Variants in RGCC observed in about 807,000 individuals in gnomAD.
The protein encoded by RGCC is regulator of cell cycle RGCC.
Under a neutral mutation model 15.4 loss-of-function variants are expected in RGCC, and 15 were observed. That is an observed-to-expected ratio of 0.97 (90% CI 0.65 to 1.50). The LOEUF (loss-of-function observed/expected upper bound fraction) is 1.50. Among genes scored for constraint, RGCC ranks in the 40% most tolerant of loss-of-function variants. The pLI is 0.00. For missense variants in RGCC, 176 were observed against 189.7 expected (o/e 0.93, Z 0.42); for synonymous variants, 81 against 78.0 (o/e 1.04, Z -0.20).
At position 41,468,837 on chromosome 13, in the gene RGCC, A is replaced by C; in HGVS notation, c.405A>C (p.Ala135=). The C allele has an allele frequency of 6.3e-7, 1 of 1,599,126 alleles. No individual in the cohort carries two copies. Among genetic ancestry groups the C allele is most frequent in the Non-Finnish European group, 8.5e-7 (1 of 1,172,966 alleles). ...TTGCTGATCTTGACAAAACTTTAGC[A>C]AGTAAGTACATGTCTGATATTAAAA... ...AFIADLDKTL[A]SM The change falls in exon 4 of 5, where the codon GCA becomes GCC. Residue 135 remains alanine (A), a splice_region_variant and synonymous_variant. Transcript: ENST00000379359.
chr13:41,461,437 T>G (rs1244481236), intron 2 of RGCC, among the ~76,000 whole-genome samples: 1 of 152,258 alleles, frequency 6.6e-6, no homozygotes, highest in African/African-American at 2.4e-5. Context: ...TAAACCATGT[T>G]TTCTCAAATG....
Position 41,468,755 on chromosome 13 carries a change from TCTCC to T in RGCC, c.344-17_344-14del, listed in dbSNP as rs545924977. ...AAACTGAACTCTCTCTCTCTCTCTC[TCTCC>T]CTCTCCTGTTTCACAGCTAAATTAG... On this transcript the variant is annotated splice_polypyrimidine_tract_variant and intron_variant, in intron 3 of 4. Transcript: ENST00000379359. The T allele has an allele frequency of 3.6e-3, 5,628 of 1,582,900 alleles. 11 individuals carry two copies. The highest frequency in any genetic ancestry group is 4.3e-3 in the Non-Finnish European group (5,026 of 1,159,100).
At chr13:41,463,055 T>C (rs2043829168) in intron 2 of RGCC, among the ~76,000 whole-genome samples, 1 of 152,312 alleles carries the variant, frequency 6.6e-6, no homozygotes, top group East Asian at 1.9e-4. Context: ...GCTAGGAACT[T>C]TAGAGTTAAA....
At chr13:41,465,051 C>A in intron 2 of RGCC, among the ~76,000 whole-genome samples, 1 of 152,176 alleles carries the variant, frequency 6.6e-6, no homozygotes, top group East Asian at 1.9e-4. Context: ...GAAACCTCTT[C>A]TTCCGAAAAC....
intron 2 of RGCC, among the ~76,000 whole-genome samples, chr13:41,464,373 G>C (rs1237944056): frequency 6.6e-6 from 1 of 152,154 alleles, no homozygotes; most frequent in Non-Finnish European, 1.5e-5. Context: ...CAACAGTAAG[G>C]CTTCCTTGCA....
At chr13:41,464,859 G>T (rs1268199755) in intron 2 of RGCC, among the ~76,000 whole-genome samples, 2 of 152,086 alleles carry the variant, frequency 1.3e-5, no homozygotes, top group Non-Finnish European at 2.9e-5. Flanking sequence ...AGATTGTGAG[G>T]GTTGCTCTCA....
At position 41,466,221 on chromosome 13, in the gene RGCC, TCA is replaced by T. The variant is rs367857777; in HGVS notation, c.236-593_236-592del. ...CACACTCATACACTCACACACTTTC[TCA>T]CACACACATATTCTCACACACACCC... On this transcript the variant is annotated intron_variant, in intron 2 of 4. Transcript: ENST00000379359. Among the ~76,000 whole-genome samples, 857 of 147,764 alleles carry T rather than the reference TCA, an allele frequency of 5.8e-3. 7 individuals carry two copies. The highest frequency in any genetic ancestry group is 0.02 in the African/African-American group (809 of 39,888).
intron 2 of RGCC, among the ~76,000 whole-genome samples, chr13:41,462,288 C>A (rs922604397): frequency 2.6e-5 from 4 of 152,178 alleles, no homozygotes; most frequent in Non-Finnish European, 5.9e-5. Flanking sequence ...ACCTTTCTCC[C>A]AACCCCCCTA....
At chr13:41,470,214 A>G (rs947382024) in intron 4 of RGCC, among the ~76,000 whole-genome samples, 1 of 152,184 alleles carries the variant, frequency 6.6e-6, no homozygotes, top group Non-Finnish European at 1.5e-5. Context: ...GTACTGCACC[A>G]TCTTACATCA....
chr13:41,461,800 A>C (rs1410208321), intron 2 of RGCC, among the ~76,000 whole-genome samples: 1 of 152,234 alleles, frequency 6.6e-6, no homozygotes, highest in Non-Finnish European at 1.5e-5. Context: ...AACCAGCATG[A>C]CAGATGGCTT....
chr13:41,468,641 T>C, intron 3 of RGCC, 135 bp from the exon 4 acceptor site: 2 of 692,180 alleles, frequency 2.9e-6, no homozygotes, highest in Non-Finnish European at 5.0e-6. Flanking sequence ...AGGAGGTAGA[T>C]GTAAAATAGA....
chr13:41,463,357 G>A (rs2043831051), intron 2 of RGCC, among the ~76,000 whole-genome samples: 1 of 151,914 alleles, frequency 6.6e-6, no homozygotes. Flanking sequence ...CTTGGTGGTC[G>A]AAGGTTGAAC....
rs907861487 is a variant in RGCC at position 41,458,528 on chromosome 13, C to T, written c.235+58C>T. ...ATCTCCCAGCTCCCAGGACCTGCCC[C>T]GCGAAGGCTGCGGCCTCAGTTTTCT... On this transcript the variant is annotated intron_variant, in intron 2 of 4. Coordinates refer to ENST00000379359, the MANE Select transcript of RGCC (RefSeq NM_014059.3). The surrounding 1 kb of genome is among the most constrained non-coding windows in gnomAD (Gnocchi z 4.4). The T allele has an allele frequency of 4.7e-6, 7 of 1,502,058 alleles. No homozygotes were observed. In the African/African-American group the frequency reaches 7.0e-5, roughly 15 times the overall value. 93.0% of individuals were successfully genotyped at this position (1,502,058 alleles called of 1,614,324 possible).
Position 41,457,891 on chromosome 13 carries a change from C to T in RGCC, c.49+135C>T, listed in dbSNP as rs2043800516. The T allele has an allele frequency of 7.8e-7, 1 of 1,282,624 alleles. No homozygotes were observed. Among genetic ancestry groups the T allele is most frequent in the Non-Finnish European group, 1.0e-6 (1 of 995,094 alleles). 79.5% of individuals were successfully genotyped at this position (1,282,624 alleles called of 1,614,324 possible). A position where few individuals can be genotyped will look rare whatever the true frequency, so the allele number is the denominator to read the frequency against. On this transcript the variant is annotated intron_variant, in intron 1 of 4. Coordinates refer to ENST00000379359, the MANE Select transcript of RGCC (RefSeq NM_014059.3). The surrounding 1 kb of genome is among the most constrained non-coding windows in gnomAD (Gnocchi z 4.9). ...GGCGGGAACCTGTCCCCGGTCTTCC[C>T]GCGCGGGCGGCTGCAGCCTCCTTTC...
chr13:41,470,390 T>C (rs1176261832), intron 4 of RGCC, 88 bp from the exon 5 acceptor site: 4 of 1,366,664 alleles, frequency 2.9e-6, no homozygotes, highest in East Asian at 4.6e-5. Flanking sequence ...GTTTGGTGCT[T>C]TGATGCACGT....
intron 2 of RGCC, among the ~76,000 whole-genome samples, chr13:41,461,022 G>A (rs7983127): frequency 0.025 from 3,771 of 152,114 alleles, 65 homozygotes; most frequent in South Asian, 0.053. Context: ...GCCATTCCTC[G>A]TACTGAAAGA....
chr13:41,458,616 C>G lies in RGCC; in HGVS notation c.235+146C>G. 1 of 957,498 alleles carries G rather than the reference C, an allele frequency of 1.0e-6. No homozygotes were observed. The highest frequency in any genetic ancestry group is 1.5e-6 in the Non-Finnish European group (1 of 663,790). The allele number at this position is 957,498 out of a possible 1,614,324, so 59.3% of individuals were successfully genotyped here. ...GCAGTAGGCCGAGTGGTGGCGGGGCCCCTGACGATAATCACGGGAAAGGTC... is the reference window on the plus strand; with the variant it reads ...GCAGTAGGCCGAGTGGTGGCGGGGCGCCTGACGATAATCACGGGAAAGGTC... On this transcript the variant is annotated intron_variant, in intron 2 of 4. Coordinates refer to ENST00000379359, the MANE Select transcript of RGCC (RefSeq NM_014059.3). This position sits in a 1 kb window ranked among gnomAD's most constrained non-coding sequence, Gnocchi z 4.4.
Position 41,458,734 on chromosome 13 carries a change from C to A in RGCC, c.235+264C>A, listed in dbSNP as rs777234239. Among the ~76,000 whole-genome samples the A allele has an allele frequency of 1.1e-4, 16 of 152,176 alleles. No individual in the cohort carries two copies. Among genetic ancestry groups the A allele is most frequent in the Admixed American group, 2.6e-4 (4 of 15,286 alleles). The stretch of plus-strand genomic sequence containing the variant: ...TGTCCCGACTCAGCCAGACAGGACT[C>A]CCTGGACCTGCACCAGGCCTTTCCG... On this transcript the variant is annotated intron_variant, in intron 2 of 4. Transcript: ENST00000379359. This position sits in a 1 kb window ranked among gnomAD's most constrained non-coding sequence, Gnocchi z 4.4.
At chr13:41,463,775 C>T (rs1468022235) in intron 2 of RGCC, among the ~76,000 whole-genome samples, 1 of 152,168 alleles carries the variant, frequency 6.6e-6, no homozygotes, top group Non-Finnish European at 1.5e-5. Context: ...AGATTCTCTC[C>T]AGGCCCCATG....
Sources: allele counts gnomAD v4.1 joint callset (sites outside exome capture counted in the v4.1 genomes callset), GRCh38; gene constraint gnomAD v4.1.1; non-coding constraint Gnocchi (gnomAD v3.1); transcripts MANE v1.5; gene names NCBI Gene and HGNC (gene_info 2026-07-23, HGNC 2026-07-21).